Variants in FAM53B observed in about 807,000 individuals in gnomAD.
FAM53B encodes protein FAM53B.
FAM53B carries 12 observed loss-of-function variants against 32.7 expected under a neutral mutation model. The observed-to-expected ratio is 0.37, with a 90% confidence interval of 0.24 to 0.59. FAM53B has a LOEUF of 0.59. Among genes scored for constraint, FAM53B ranks in the 20% least tolerant of loss-of-function variants. The pLI, the probability that FAM53B is intolerant of heterozygous loss-of-function variation, is 0.72. For synonymous variants in FAM53B, 234 were observed against 228.7 expected, an observed-to-expected ratio of 1.02 and a Z score of -0.21; for missense variants, 477 against 577.7, an observed-to-expected ratio of 0.83 and a Z score of 1.79.
At chr10:124,643,252 A>G (rs983511839) in intron 4 of FAM53B, among the ~76,000 whole-genome samples, 3 of 152,230 alleles carry the variant, frequency 2.0e-5, no homozygotes, top group South Asian at 2.1e-4. Context: ...GCAACTTCCA[A>G]TTGATTGAGG....
intron 4 of FAM53B, among the ~76,000 whole-genome samples, chr10:124,636,157 C>T (rs1949429986): frequency 6.6e-6 from 1 of 152,224 alleles, no homozygotes; most frequent in Non-Finnish European, 1.5e-5. Flanking sequence ...AGGCCAAAAT[C>T]CTATTCACAT....
intron 4 of FAM53B, among the ~76,000 whole-genome samples, chr10:124,660,737 A>C (rs1180439588): frequency 6.6e-6 from 1 of 152,178 alleles, no homozygotes; most frequent in African/African-American, 2.4e-5. Context: ...GGTCATCTAG[A>C]TCAGGTGCCA....
In FAM53B at chr10:124,733,733, C is replaced by G. The variant is rs1455938690; in HGVS notation, c.-175+10280G>C. On this transcript the variant is annotated intron_variant, in intron 1 of 4. Coordinates refer to ENST00000337318, the MANE Select transcript of FAM53B (RefSeq NM_014661.4). The surrounding 1 kb of genome is among the most constrained non-coding windows in gnomAD (Gnocchi z 4.3). Reference sequence around the variant, plus strand: ...CAAGGCGGCACTTGATGAAAATTCTCAGAGGCTAGTCTCATGCTTCTCCAG... The same window carrying G: ...CAAGGCGGCACTTGATGAAAATTCTGAGAGGCTAGTCTCATGCTTCTCCAG... 6.6e-6 allele frequency among the ~76,000 whole-genome samples: 1 copy of G among 152,214 alleles called. No individual in the cohort carries two copies. The highest frequency in any genetic ancestry group is 1.9e-4 in the East Asian group (1 of 5,196).
chr10:124,628,226 C>A (rs1949368244), intron 4 of FAM53B, among the ~76,000 whole-genome samples: 1 of 152,172 alleles, frequency 6.6e-6, no homozygotes, highest in Non-Finnish European at 1.5e-5. Context: ...GGGGAAACAG[C>A]CCCAGCATTT....
intron 3 of FAM53B, among the ~76,000 whole-genome samples, chr10:124,684,005 G>A (rs1431610077): frequency 6.6e-6 from 1 of 152,252 alleles, no homozygotes; most frequent in African/African-American, 2.4e-5. Context: ...AGAGCTAATG[G>A]TGGTTCTCCT....
chr10:124,664,479 C>T (rs1039082060), intron 4 of FAM53B, among the ~76,000 whole-genome samples: 5 of 152,222 alleles, frequency 3.3e-5, no homozygotes, highest in African/African-American at 4.8e-5. Context: ...AGCCCAGATC[C>T]GCCATCACAA....
chr10:124,630,666 C>T (rs1949385502), intron 4 of FAM53B, among the ~76,000 whole-genome samples: 1 of 152,234 alleles, frequency 6.6e-6, no homozygotes, highest in African/African-American at 2.4e-5. Flanking sequence ...GCAATGGATA[C>T]TCAAGACTCT....
intron 2 of FAM53B, among the ~76,000 whole-genome samples, chr10:124,704,651 C>G (rs909358684): frequency 6.6e-6 from 1 of 152,066 alleles, no homozygotes; most frequent in African/African-American, 2.4e-5. Flanking sequence ...GCAGAGGGGG[C>G]AGAGTGGCAG....
chr10:124,735,312 A>G (rs1456491738), intron 1 of FAM53B, among the ~76,000 whole-genome samples: 1 of 152,172 alleles, frequency 6.6e-6, no homozygotes, highest in East Asian at 1.9e-4. Context: ...CCACATCATG[A>G]CCCATACATG....
intron 4 of FAM53B, among the ~76,000 whole-genome samples, chr10:124,671,625 C>T (rs1949707420): frequency 6.6e-6 from 1 of 152,248 alleles, no homozygotes; most frequent in African/African-American, 2.4e-5. Context: ...GGAGTAAATG[C>T]AGTCTGTGGC....
At chr10:124,643,798 G>A (rs538011776) in intron 4 of FAM53B, among the ~76,000 whole-genome samples, 32 of 152,346 alleles carry the variant, frequency 2.1e-4, no homozygotes, top group African/African-American at 6.7e-4. Context: ...GAGGCACAGC[G>A]GTGCACGCTG....
At chr10:124,684,374 G>C (rs561556555) in intron 3 of FAM53B, among the ~76,000 whole-genome samples, 1 of 152,332 alleles carries the variant, frequency 6.6e-6, no homozygotes, top group African/African-American at 2.4e-5. Flanking sequence ...ATCATCCAAA[G>C]TACCTCTTCC....
intron 4 of FAM53B, among the ~76,000 whole-genome samples, chr10:124,673,710 T>C (rs1949720559): frequency 6.6e-6 from 1 of 152,172 alleles, no homozygotes. Flanking sequence ...TGGGCATCTG[T>C]GGAGTCACTG....
intron 2 of FAM53B, 30 bp from the exon 3 acceptor site, chr10:124,696,242 T>C (rs1949869331): frequency 1.2e-6 from 2 of 1,600,594 alleles, no homozygotes; most frequent in East Asian, 2.2e-5. Context: ...CTATTCACTC[T>C]TCAAATCATA....
intron 3 of FAM53B, among the ~76,000 whole-genome samples, chr10:124,687,652 T>C (rs1166041165): frequency 6.6e-6 from 1 of 152,176 alleles, no homozygotes; most frequent in East Asian, 1.9e-4. Flanking sequence ...TTTCTCAAAG[T>C]GTGACTTCTG....
chr10:124,630,918 A>G (rs897297), intron 4 of FAM53B, among the ~76,000 whole-genome samples: 80,294 of 152,128 alleles, frequency 0.53, 21,822 homozygotes, highest in Non-Finnish European at 0.6. Flanking sequence ...ACTGTCTCAG[A>G]CTGGTCAGAC....
intron 4 of FAM53B, among the ~76,000 whole-genome samples, chr10:124,642,339 G>T (rs1949481663): frequency 6.6e-6 from 1 of 152,236 alleles, no homozygotes; most frequent in African/African-American, 2.4e-5. Flanking sequence ...ACAGTGACGG[G>T]TCTCACTCTC....
Position 124,733,297 on chromosome 10 carries a change from C to CA in FAM53B, c.-175+10715dup, listed in dbSNP as rs1950155948. ...GGGCCCAGGTCACATGCCACACAGT[C>CA]AACGGGGCCTGGAATCTGGGCTGGC... On this transcript the variant is annotated intron_variant, in intron 1 of 4. Transcript: ENST00000337318. This position sits in a 1 kb window ranked among gnomAD's most constrained non-coding sequence, Gnocchi z 4.3. Among the ~76,000 whole-genome samples the CA allele has an allele frequency of 6.6e-6, 1 of 152,210 alleles. No individual in the cohort carries two copies. The highest frequency in any genetic ancestry group is 1.5e-5 in the Non-Finnish European group (1 of 68,046).
At chr10:124,629,529 C>T (rs1246303510) in intron 4 of FAM53B, among the ~76,000 whole-genome samples, 2 of 152,236 alleles carry the variant, frequency 1.3e-5, no homozygotes, top group African/African-American at 4.8e-5. Context: ...TGGTCCCCAG[C>T]CTGGCCTGGC....
Sources: gnomAD v4.1 joint callset for allele counts (sites outside exome capture counted in the v4.1 genomes callset) on GRCh38, gnomAD v4.1.1 for gene constraint, Gnocchi (gnomAD v3.1) non-coding constraint, MANE v1.5 for transcripts, NCBI Gene and HGNC (gene_info 2026-07-23, HGNC 2026-07-21) for gene names.